The following LIMS1 variants were observed in gnomAD, a reference collection of about 807,000 sequenced individuals.
LIMS1 encodes LIM zinc finger domain containing 1.
LIMS1 carries 18 observed loss-of-function variants against 44.1 expected under a neutral mutation model. The ratio of observed to expected loss-of-function variants is 0.41; its 90% CI spans 0.28 to 0.61. The LOEUF (loss-of-function observed/expected upper bound fraction) is 0.61. Among genes scored for constraint, LIMS1 ranks in the 20% least tolerant of loss-of-function variants. The pLI, the probability that LIMS1 is intolerant of heterozygous loss-of-function variation, is 0.32. For synonymous variants in LIMS1, 93 were observed against 149.1 expected (o/e 0.62, Z 2.74); for missense variants, 201 against 422.0 (o/e 0.48, Z 4.59).
intron 1 of LIMS1, among the ~76,000 whole-genome samples, chr2:108,559,425 A>G (rs1685037459): frequency 6.6e-6 from 1 of 152,208 alleles, no homozygotes; most frequent in Non-Finnish European, 1.5e-5. Flanking sequence ...TGTGATACAT[A>G]ATTACTTATG....
chr2:108,542,757 A>C (rs1307195544), intron 1 of LIMS1, among the ~76,000 whole-genome samples: 1 of 152,142 alleles, frequency 6.6e-6, no homozygotes, highest in African/African-American at 2.4e-5. Context: ...CCCAAGTCTT[A>C]CAACTCAAGT....
intron 1 of LIMS1, among the ~76,000 whole-genome samples, chr2:108,541,449 TCTGTGCAGGTA>T (rs1216796568): frequency 1.3e-5 from 2 of 152,244 alleles, no homozygotes; most frequent in Non-Finnish European, 2.9e-5. Flanking sequence ...GATTTGTTTT[TCTGTGCAGGTA>T]CAGTGCAGGT....
chr2:108,596,636 C>G (rs1213817621), intron 1 of LIMS1, among the ~76,000 whole-genome samples: 1 of 152,290 alleles, frequency 6.6e-6, no homozygotes, highest in African/African-American at 2.4e-5. Flanking sequence ...CCAGCCTGAT[C>G]AACATGGAGA....
chr2:108,636,794 G>A (rs1386205649), intron 1 of LIMS1, among the ~76,000 whole-genome samples: 1 of 152,200 alleles, frequency 6.6e-6, no homozygotes, highest in Admixed American at 6.5e-5. Context: ...CCGTGACAGA[G>A]AATGGAGAGC....
chr2:108,662,961 G>T (rs1229062744), intron 2 of LIMS1, among the ~76,000 whole-genome samples: 2 of 152,150 alleles, frequency 1.3e-5, no homozygotes, highest in African/African-American at 4.8e-5. Flanking sequence ...TTTTATGGTA[G>T]AACTTTCTGG....
intron 8 of LIMS1, among the ~76,000 whole-genome samples, chr2:108,680,365 CAAAAAAAAA>C (rs35982119): frequency 1.5e-4 from 10 of 68,212 alleles, no homozygotes; most frequent in African/African-American, 5.3e-4. Context: ...GATTCCGTCT[CAAAAAAAAA>C]AAAAAAAAAA....
In LIMS1 at chr2:108,559,806, TGG is replaced by T. The variant is rs1287391722; in HGVS notation, c.32+25213_32+25214del. 2.0e-5 allele frequency among the ~76,000 whole-genome samples: 3 copies of T among 152,210 alleles called. No individual in the cohort carries two copies. In the East Asian group the frequency reaches 5.8e-4, roughly 29 times the overall value. On this transcript the variant is annotated intron_variant, in intron 1 of 9. Transcript: ENST00000544547. ...TTAGTGAGTTGATCAACATTTAAACTGGCAAACAATTATAAACTGGTTTGACA... is the reference window on the plus strand; with the variant it reads ...TTAGTGAGTTGATCAACATTTAAACTCAAACAATTATAAACTGGTTTGACA...
At chr2:108,587,167 C>A (rs1211038478) in intron 1 of LIMS1, among the ~76,000 whole-genome samples, 1 of 152,136 alleles carries the variant, frequency 6.6e-6, no homozygotes, top group East Asian at 1.9e-4. Flanking sequence ...CTAAACCCTT[C>A]CCTGTAAATA....
chr2:108,567,143 C>T (rs573471783), intron 1 of LIMS1, among the ~76,000 whole-genome samples: 38 of 152,268 alleles, frequency 2.5e-4, no homozygotes, highest in African/African-American at 8.7e-4. Context: ...TTGATGAGAA[C>T]AAAAAATTGA....
intron 9 of LIMS1, among the ~76,000 whole-genome samples, chr2:108,683,376 CA>C (rs1225387661): frequency 6.6e-6 from 1 of 150,932 alleles, no homozygotes; most frequent in Non-Finnish European, 1.5e-5. Context: ...CCTGTCTCTA[CA>C]AAAAAAAATT....
chr2:108,566,543 T>C (rs780267142), intron 1 of LIMS1, among the ~76,000 whole-genome samples: 25 of 152,180 alleles, frequency 1.6e-4, no homozygotes, highest in Non-Finnish European at 2.6e-4. Flanking sequence ...CCCTACTCTT[T>C]CCAGTGTATC....
intron 1 of LIMS1, among the ~76,000 whole-genome samples, chr2:108,557,268 T>G (rs766192851): frequency 6.6e-6 from 1 of 151,994 alleles, no homozygotes; most frequent in African/African-American, 2.4e-5. Context: ...GTAGAGACGG[T>G]GTCTCTCTAT....
intron 1 of LIMS1, among the ~76,000 whole-genome samples, chr2:108,598,117 G>T (rs2104709439): frequency 6.6e-6 from 1 of 151,804 alleles, no homozygotes; most frequent in South Asian, 2.1e-4. Flanking sequence ...CACTGTGGTT[G>T]GCTGTGCACT....
At chr2:108,619,902 C>G (rs1688142920) in intron 1 of LIMS1, among the ~76,000 whole-genome samples, 1 of 152,132 alleles carries the variant, frequency 6.6e-6, no homozygotes, top group South Asian at 2.1e-4. Context: ...CAGAAGCAGC[C>G]AGTATTACCG....
intron 1 of LIMS1, among the ~76,000 whole-genome samples, chr2:108,632,464 G>T (rs548478514): frequency 6.6e-6 from 1 of 152,308 alleles, no homozygotes; most frequent in African/African-American, 2.4e-5. Context: ...GTGTCTCAAG[G>T]TCAGGCAACG....
intron 1 of LIMS1, among the ~76,000 whole-genome samples, chr2:108,585,142 C>G (rs995077949): frequency 7.6e-6 from 1 of 131,766 alleles, no homozygotes; most frequent in African/African-American, 3.0e-5. Flanking sequence ...CAGAGCATGA[C>G]TCCGTCTCAA....
At chr2:108,625,638 A>G (rs1688530207) in intron 1 of LIMS1, among the ~76,000 whole-genome samples, 1 of 151,788 alleles carries the variant, frequency 6.6e-6, no homozygotes, top group Non-Finnish European at 1.5e-5. Context: ...GAGTAAAGTG[A>G]AAATGGGAAG....
chr2:108,604,183 T>A (rs1156542773), intron 1 of LIMS1, among the ~76,000 whole-genome samples: 2 of 152,220 alleles, frequency 1.3e-5, no homozygotes, highest in African/African-American at 2.4e-5. Flanking sequence ...TCTGGCCTCC[T>A]ATTTTTTTTA....
At chr2:108,662,502 C>G in intron 2 of LIMS1, 1 of 1,340,026 alleles carries the variant, frequency 7.5e-7, no homozygotes, top group Non-Finnish European at 1.0e-6. Flanking sequence ...GGCTGTTGCC[C>G]AGTTCAAGAT....
Sources: allele counts gnomAD v4.1 joint callset (sites outside exome capture counted in the v4.1 genomes callset), GRCh38; gene constraint gnomAD v4.1.1; transcripts MANE v1.5; gene names NCBI Gene and HGNC (gene_info 2026-07-23, HGNC 2026-07-21).